Variants in MTOR observed in about 807,000 individuals in gnomAD.
MTOR encodes mechanistic target of rapamycin kinase, also known as serine/threonine-protein kinase mTOR.
In MTOR, 70 loss-of-function variants were observed where a neutral mutation model predicts 319.8. That is an observed-to-expected ratio of 0.22 (90% CI 0.18 to 0.27). The LOEUF (loss-of-function observed/expected upper bound fraction) is 0.27, where lower values mean the gene tolerates loss of function less well. Ranked by LOEUF, MTOR falls within the 10% of genes least tolerant of loss-of-function variation. The pLI is 1.00. For missense variants in MTOR, 1,890 were observed against 3,274.4 expected, an observed-to-expected ratio of 0.58 and a Z score of 10.32; for synonymous variants, 1,183 against 1,211.4, an observed-to-expected ratio of 0.98 and a Z score of 0.49.
chr1:11,190,622 C>G (rs909332640), intron 28 of MTOR, among the ~76,000 whole-genome samples: 6 of 152,056 alleles, frequency 3.9e-5, no homozygotes, highest in Non-Finnish European at 7.4e-5. Context: ...GAAATATAGA[C>G]TTAATAGGCC....
chr1:11,233,332 A>T, intron 15 of MTOR, 66 bp downstream of exon 15: 1 of 1,417,778 alleles, frequency 7.1e-7, no homozygotes, highest in Non-Finnish European at 9.8e-7. Flanking sequence ...TAGTATTTTG[A>T]CTTCCTTAGA....
intron 19 of MTOR, among the ~76,000 whole-genome samples, chr1:11,221,816 A>G (rs962871470): frequency 2.7e-5 from 4 of 150,130 alleles, no homozygotes; most frequent in African/African-American, 9.8e-5. Flanking sequence ...TATCTTTCTT[A>G]AACACACAAG....
At chr1:11,241,707 T>C in intron 9 of MTOR, 26 bp from the exon 10 acceptor site, 1 of 1,599,082 alleles carries the variant, frequency 6.3e-7, no homozygotes, top group Admixed American at 1.7e-5. Context: ...GAGTGGCTAG[T>C]TGAGACATAA....
intron 28 of MTOR, among the ~76,000 whole-genome samples, chr1:11,179,086 A>G (rs1045733645): frequency 1.3e-5 from 2 of 152,238 alleles, no homozygotes; most frequent in Admixed American, 6.5e-5. Context: ...GTGGCACTCT[A>G]TAACTGGATT....
chr1:11,130,674 G>A lies in MTOR; in HGVS notation c.5468C>T (p.Ala1823Val). 1 of 1,611,980 alleles carries A rather than the reference G, an allele frequency of 6.2e-7. No individual in the cohort carries two copies. The highest frequency in any genetic ancestry group is 1.1e-5 in the South Asian group (1 of 90,494). Reference protein sequence around the residue: ...EKKKLRHASGANITNATTAAT... With the variant: ...EKKKLRHASGVNITNATTAAT... ...GGCAGTGGTGGCGTTGGTGATGTTG[G>A]CCCCGCTGGCATGACGCAGTTTCTT... Residue 1823 changes from alanine (A) to valine (V), a missense_variant, in exon 39 of 58, where the codon GCC becomes GTC. Physicochemically the swap from Ala to Val is moderately conservative, Grantham distance 64. Transcript: ENST00000361445.
intron 34 of MTOR, among the ~76,000 whole-genome samples, chr1:11,140,099 C>T (rs1455156313): frequency 1.3e-5 from 2 of 152,156 alleles, no homozygotes; most frequent in African/African-American, 2.4e-5. Flanking sequence ...TCTGGGATTA[C>T]AGGCACGAGC....
chr1:11,222,061 A>G (rs1646681244), intron 19 of MTOR, among the ~76,000 whole-genome samples: 1 of 151,900 alleles, frequency 6.6e-6, no homozygotes, highest in Non-Finnish European at 1.5e-5. Context: ...GGCTTGACTC[A>G]TTATACTAAA....
chr1:11,202,065 T>A (rs1465147655), intron 26 of MTOR, among the ~76,000 whole-genome samples: 2 of 152,158 alleles, frequency 1.3e-5, no homozygotes, highest in Non-Finnish European at 2.9e-5. Context: ...CTCAGCCTCC[T>A]AGAGTGCTGA....
rs1569846901 is a variant in MTOR, at chr1:11,257,022, T to C, written c.415A>G (p.Thr139Ala). The part of the protein sequence containing the change: ...AIGRLAMAGD[T>A]FTAEYVEFEV... Reference sequence around the variant, plus strand: ...AATTCCACGTACTCAGCGGTAAAAGTGTCCCCTGCCATGGCAAGACGGCCA... The same window carrying C: ...AATTCCACGTACTCAGCGGTAAAAGCGTCCCCTGCCATGGCAAGACGGCCA... Residue 139 changes from threonine to alanine, a missense_variant, in exon 4 of 58, where the codon ACT becomes GCT. Physicochemically the swap from Thr to Ala is moderately conservative, Grantham distance 58. This residue lies in a region of MTOR where 81 missense variants were observed against 203.6 expected (regional missense o/e 0.40). Coordinates refer to ENST00000361445, the MANE Select transcript of MTOR (RefSeq NM_004958.4). 6 of 1,614,062 alleles carry C rather than the reference T, an allele frequency of 3.7e-6. No individual in the cohort carries two copies. Among genetic ancestry groups the C allele is most frequent in the South Asian group, 1.1e-5 (1 of 91,068 alleles).
At chr1:11,161,070 C>T (rs975726844) in intron 29 of MTOR, among the ~76,000 whole-genome samples, 3 of 152,180 alleles carry the variant, frequency 2.0e-5, no homozygotes, top group Non-Finnish European at 2.9e-5. Context: ...CCTGGAAAAT[C>T]GGGTCACTCC....
intron 6 of MTOR, among the ~76,000 whole-genome samples, chr1:11,250,208 C>CT (rs1254653373): frequency 1.3e-4 from 14 of 106,076 alleles, no homozygotes; most frequent in African/African-American, 3.9e-4. Context: ...GACGGGGCGG[C>CT]TGGCCGGGCG....
At chr1:11,231,570 C>A (rs1027894420) in intron 16 of MTOR, 136 bp from the exon 17 acceptor site, 3 of 1,088,144 alleles carry the variant, frequency 2.8e-6, no homozygotes, top group Non-Finnish European at 1.3e-6. Context: ...AGACACTAAC[C>A]ATGAGCAGAA....
At chr1:11,209,594 A>G in intron 24 of MTOR, 136 bp from the exon 25 acceptor site, 2 of 966,928 alleles carry the variant, frequency 2.1e-6, no homozygotes, top group African/African-American at 1.6e-5. Context: ...GCACATATGG[A>G]CAAAATGAAC....
At chr1:11,148,488 G>A (rs1431308401) in intron 31 of MTOR, among the ~76,000 whole-genome samples, 2 of 152,110 alleles carry the variant, frequency 1.3e-5, no homozygotes, top group East Asian at 1.9e-4. Flanking sequence ...TGCTGATAAG[G>A]TAGAATGGTT....
rs960470772 is a variant in MTOR at position 11,233,249 on chromosome 1, T to C, written c.2421+149A>G. On this transcript the variant is annotated intron_variant, in intron 15 of 57. Coordinates refer to ENST00000361445, the MANE Select transcript of MTOR (RefSeq NM_004958.4). ...TTATTGAGAATATATTATTTCTCTC[T>C]GAATCTGTTATGAATGCATTGTTGG... is the stretch of plus-strand genomic sequence containing the variant. 3.0e-5 allele frequency: 25 copies of C among 824,220 alleles called. No homozygotes were observed. In the Admixed American group the frequency reaches 4.5e-4, roughly 15 times the overall value. The allele number at this position is 824,220 out of a possible 1,614,324, so 51.1% of individuals were successfully genotyped here. A position where few individuals can be genotyped will look rare whatever the true frequency, so the allele number is the denominator to read the frequency against.
chr1:11,156,062 C>T (rs550474290), intron 30 of MTOR, among the ~76,000 whole-genome samples: 2 of 152,308 alleles, frequency 1.3e-5, no homozygotes, highest in East Asian at 1.9e-4. Context: ...GCAATCTCAG[C>T]TCACTGCAAC....
chr1:11,233,465 T>A lies in MTOR; in HGVS notation c.2354A>T (p.Asp785Val). Residue 785 changes from aspartate (D) to valine (V), a missense_variant, in exon 15 of 58, where the codon GAT (aspartate) becomes GTT (valine). Around this residue, in one of 15 missense-constraint regions of MTOR, gnomAD observed 377 missense variants for 653.9 expected, o/e 0.58. Transcript: ENST00000361445. ...ACCTGGGTTTGGATCAGGGTCTGGATCTTTCAGTTTCAAAATTAATGCCTA... is the reference window on the plus strand; with the variant it reads ...ACCTGGGTTTGGATCAGGGTCTGGAACTTTCAGTTTCAAAATTAATGCCTA... ...ILKALILKLK[D>V]PDPDPNPGVI... 6.2e-7 allele frequency: 1 copy of A among 1,614,132 alleles called. No individual in the cohort carries two copies. Among genetic ancestry groups the A allele is most frequent in the Middle Eastern group, 1.6e-4 (1 of 6,062 alleles).
intron 29 of MTOR, among the ~76,000 whole-genome samples, chr1:11,162,233 A>G (rs558306184): frequency 6.6e-6 from 1 of 152,278 alleles, no homozygotes; most frequent in South Asian, 2.1e-4. Flanking sequence ...AAGTTTAGAG[A>G]AAAAATAAAA....
chr1:11,124,641 G>A lies in MTOR; in HGVS notation c.6527-8C>T, dbSNP rs781743247. Reference sequence around the variant, plus strand: ...ACTCATGTCCGTTGCTGCCTGTAAGGAACAGTGGGAGCGGTGAGTGTACAT... The same window carrying A: ...ACTCATGTCCGTTGCTGCCTGTAAGAAACAGTGGGAGCGGTGAGTGTACAT... On this transcript the variant is annotated splice_region_variant and splice_polypyrimidine_tract_variant and intron_variant, in intron 46 of 57. Transcript: ENST00000361445. The A allele has an allele frequency of 5.0e-6, 8 of 1,605,170 alleles. No individual in the cohort carries two copies. Among genetic ancestry groups the A allele is most frequent in the Non-Finnish European group, 6.8e-6 (8 of 1,172,326 alleles).
Sources: allele counts gnomAD v4.1 joint callset (sites outside exome capture counted in the v4.1 genomes callset), GRCh38; gene constraint gnomAD v4.1.1; regional missense constraint gnomAD v4.1.1; transcripts MANE v1.5; gene names NCBI Gene and HGNC (gene_info 2026-07-23, HGNC 2026-07-21).